The following BANF2 variants were observed in gnomAD, a reference collection of about 807,000 sequenced individuals.
BANF2 encodes barrier-to-autointegration factor-like protein.
Under a neutral mutation model 8.0 loss-of-function variants are expected in BANF2, and 4 were observed. The observed-to-expected ratio is 0.50, with a 90% CI of 0.25 to 1.14. The LOEUF is 1.14. BANF2 is among the 50% of genes most tolerant of loss of function. BANF2 has a pLI of 0.16. For missense variants in BANF2, 96 were observed against 107.5 expected (o/e 0.89, Z 0.47); for synonymous variants, 50 against 40.6 (o/e 1.23, Z -0.88).
chr20:17,701,245 C>T (rs1344949368), intron 1 of BANF2, among the ~76,000 whole-genome samples: 1 of 152,092 alleles, frequency 6.6e-6, no homozygotes, highest in African/African-American at 2.4e-5. Context: ...ACCTGTGGTC[C>T]CCGTCCTGCA....
At chr20:17,711,386 G>C (rs990795109) in intron 1 of BANF2, among the ~76,000 whole-genome samples, 1 of 152,234 alleles carries the variant, frequency 6.6e-6, no homozygotes, top group Non-Finnish European at 1.5e-5. Context: ...AAGAAAATAC[G>C]ATTCTTTATT....
At chr20:17,724,534 G>A (rs1422570045) in intron 2 of BANF2, among the ~76,000 whole-genome samples, 2 of 152,198 alleles carry the variant, frequency 1.3e-5, no homozygotes, top group Non-Finnish European at 2.9e-5. Flanking sequence ...GCAGGCTTTG[G>A]ATTTCTATAA....
chr20:17,727,596 C>T lies in BANF2; in HGVS notation c.126+2445C>T, dbSNP rs374310642. On this transcript the variant is annotated intron_variant, in intron 3 of 3. Transcript: ENST00000246090. ...GGAGGAGACCCAGATGCGGCCCCTC[C>T]GAGATGGGCAAGCGCTTCAAGGTGA... Among the ~76,000 whole-genome samples, 15 of 152,140 alleles carry T rather than the reference C, an allele frequency of 9.9e-5. No homozygotes were observed. The East Asian group carries it at 2.3e-3, about 24-fold the overall frequency.
At chr20:17,718,121 T>C (rs1395966148) in intron 1 of BANF2, among the ~76,000 whole-genome samples, 1 of 152,212 alleles carries the variant, frequency 6.6e-6, no homozygotes, top group African/African-American at 2.4e-5. Context: ...CATGAAAATA[T>C]TGCATTTTTC....
intron 1 of BANF2, among the ~76,000 whole-genome samples, chr20:17,719,343 G>T (rs2037697804): frequency 6.6e-6 from 1 of 152,026 alleles, no homozygotes; most frequent in Non-Finnish European, 1.5e-5. Flanking sequence ...TGTTGGCCAG[G>T]CTGATCTCGA....
At chr20:17,700,571 C>G (rs1465052182) in intron 1 of BANF2, among the ~76,000 whole-genome samples, 3 of 152,174 alleles carry the variant, frequency 2.0e-5, no homozygotes, top group Admixed American at 2.0e-4. Context: ...CTCCTGGTGA[C>G]CTGCTGGTAT....
chr20:17,715,460 A>C (rs924536361), intron 1 of BANF2, among the ~76,000 whole-genome samples: 1 of 152,250 alleles, frequency 6.6e-6, no homozygotes, highest in Non-Finnish European at 1.5e-5. Context: ...ATAAGGATGT[A>C]TAATCAAAGG....
chr20:17,694,419 A>T (rs1443428791), intron 1 of BANF2, among the ~76,000 whole-genome samples: 1 of 152,170 alleles, frequency 6.6e-6, no homozygotes, highest in East Asian at 1.9e-4. Context: ...CTGAGGCAGG[A>T]GGGTGTTCGA....
intron 3 of BANF2, among the ~76,000 whole-genome samples, chr20:17,729,225 C>T (rs1345255823): frequency 2.0e-5 from 3 of 152,162 alleles, no homozygotes; most frequent in African/African-American, 7.2e-5. Flanking sequence ...CTCTGTCCCG[C>T]TGCCCCATCC....
chr20:17,705,383 G>C (rs2037468198), intron 1 of BANF2, among the ~76,000 whole-genome samples: 1 of 152,220 alleles, frequency 6.6e-6, no homozygotes, highest in Non-Finnish European at 1.5e-5. Context: ...AGGGCCCACA[G>C]CTAACCAGGC....
At chr20:17,723,160 C>A (rs906588814) in intron 2 of BANF2, among the ~76,000 whole-genome samples, 3 of 148,468 alleles carry the variant, frequency 2.0e-5, no homozygotes, top group Non-Finnish European at 3.0e-5. Context: ...TAGGTCCCCC[C>A]AGCCCCACCC....
chr20:17,699,845 C>T (rs1009728298), upstream of BANF2: 1 of 258,824 alleles, frequency 3.9e-6, no homozygotes, highest in Non-Finnish European at 6.0e-6. Flanking sequence ...TTGCTCCTGC[C>T]CTGCCCTGTG....
At chr20:17,724,949 G>A (rs919811048) in intron 2 of BANF2, 74 bp from the exon 3 acceptor site, 2 of 1,435,306 alleles carry the variant, frequency 1.4e-6, no homozygotes, top group East Asian at 2.3e-5. Flanking sequence ...GGCTGAGGGA[G>A]TTCCCCAGTG....
chr20:17,697,347 C>G (rs1403206944), upstream of BANF2, among the ~76,000 whole-genome samples: 1 of 152,158 alleles, frequency 6.6e-6, no homozygotes, highest in African/African-American at 2.4e-5. Flanking sequence ...GAGGAAAAGG[C>G]CTTTGGGCCA....
At chr20:17,732,517 A>C (rs993691590) in intron 3 of BANF2, among the ~76,000 whole-genome samples, 2 of 152,128 alleles carry the variant, frequency 1.3e-5, no homozygotes, top group Middle Eastern at 3.4e-3. Context: ...CCACCATACC[A>C]GGCTAATTTT....
chr20:17,702,104 T>C (rs1019476101), intron 1 of BANF2, among the ~76,000 whole-genome samples: 1 of 152,180 alleles, frequency 6.6e-6, no homozygotes, highest in African/African-American at 2.4e-5. Context: ...ATGTCATAAA[T>C]ACTAAATGAC....
chr20:17,702,639 TA>T (rs908179775), intron 1 of BANF2, among the ~76,000 whole-genome samples: 2 of 152,184 alleles, frequency 1.3e-5, no homozygotes, highest in African/African-American at 4.8e-5. Context: ...TTGCTGTGGA[TA>T]ATTTGGACCC....
chr20:17,733,284 G>A (rs992070937), intron 3 of BANF2, among the ~76,000 whole-genome samples: 3 of 152,196 alleles, frequency 2.0e-5, no homozygotes, highest in Admixed American at 6.5e-5. Flanking sequence ...AGGAAAACAG[G>A]AGACTTAGTA....
chr20:17,694,168 A>T lies in BANF2; in HGVS notation c.18+462A>T, dbSNP rs137914703. Among the ~76,000 whole-genome samples the T allele has an allele frequency of 2.6e-3, 399 of 152,330 alleles. 4 individuals carry two copies. The highest frequency in any genetic ancestry group is 8.6e-3 in the African/African-American group (358 of 41,574). ...GGACATACAGCAGTGAACAAAACCG[A>T]TGCAAAGCCTCTCCACAAGGTGGTA... On this transcript the variant is annotated intron_variant, in intron 1 of 2. Transcript: ENST00000545418.
Sources: allele counts gnomAD v4.1 joint callset (sites outside exome capture counted in the v4.1 genomes callset), GRCh38; gene constraint gnomAD v4.1.1; transcripts MANE v1.5; gene names NCBI Gene and HGNC (gene_info 2026-07-23, HGNC 2026-07-21).